Variants in LRRC7 observed in about 807,000 individuals in gnomAD.
LRRC7 encodes the protein leucine-rich repeat-containing protein 7.
In LRRC7, 23 loss-of-function variants were observed where a neutral mutation model predicts 175.7. The ratio of observed to expected loss-of-function variants is 0.13; its 90% CI spans 0.09 to 0.19. The LOEUF is 0.19. Ranked by LOEUF, LRRC7 falls within the 10% of genes least tolerant of loss-of-function variation. The probability of loss-of-function intolerance (pLI) is 1.00; values close to 1 mark genes in which losing one functional copy is unlikely to be tolerated. For missense variants in LRRC7, 1,354 were observed against 1,904.7 expected (o/e 0.71, Z 5.38); for synonymous variants, 685 against 680.9 (o/e 1.01, Z -0.09).
chr1:69,948,744 T>C (rs1649603725), intron 8 of LRRC7, among the ~76,000 whole-genome samples: 1 of 152,132 alleles, frequency 6.6e-6, no homozygotes, highest in African/African-American at 2.4e-5. Context: ...ACCCACCATC[T>C]CCTCCAGCCA....
intron 2 of LRRC7, among the ~76,000 whole-genome samples, chr1:69,747,371 G>A (rs780828202): frequency 2.6e-5 from 4 of 152,166 alleles, no homozygotes; most frequent in African/African-American, 4.8e-5. Context: ...GTGCCTGTAT[G>A]GGTGTGGTCC....
At chr1:69,789,321 A>T (rs2101052805) in intron 3 of LRRC7, among the ~76,000 whole-genome samples, 1 of 152,224 alleles carries the variant, frequency 6.6e-6, no homozygotes, top group African/African-American at 2.4e-5. Flanking sequence ...AGACAGGATA[A>T]CCATGCCTTT....
chr1:69,780,152 T>C (rs948108132), intron 3 of LRRC7, among the ~76,000 whole-genome samples: 1 of 152,194 alleles, frequency 6.6e-6, no homozygotes, highest in Non-Finnish European at 1.5e-5. Flanking sequence ...AGTAAGTCAC[T>C]TCGTTGCATA....
chr1:69,994,482 A>G (rs922155196), intron 10 of LRRC7, 79 bp from the exon 11 acceptor site: 5 of 989,900 alleles, frequency 5.1e-6, no homozygotes, highest in Non-Finnish European at 8.0e-6. Flanking sequence ...AACACAAGTG[A>G]TTCATGTGAT....
Position 70,101,417 on chromosome 1 carries a change from C to T in LRRC7, c.4546-6335C>T, listed in dbSNP as rs540097348. ...TTTCATACGTTGAAGTCATAGGTCC[C>T]TTAAGACAAGTTCTATTTTGGTATC... On this transcript the variant is annotated intron_variant, in intron 25 of 26. Coordinates refer to ENST00000651989, the MANE Select transcript of LRRC7 (RefSeq NM_001370785.2). Among the ~76,000 whole-genome samples the T allele has an allele frequency of 2.0e-5, 3 of 152,266 alleles. No homozygotes were observed. The East Asian group carries it at 5.8e-4, about 29-fold the overall frequency.
intron 1 of LRRC7, among the ~76,000 whole-genome samples, chr1:69,608,878 A>G (rs866600678): frequency 8.6e-6 from 1 of 115,908 alleles, no homozygotes; most frequent in Non-Finnish European, 1.8e-5. Flanking sequence ...ATATATATAT[A>G]TATATATATA....
rs939678747 is a variant in LRRC7 at position 70,126,600 on chromosome 1, A to G, written c.*4713A>G. Among the ~76,000 whole-genome samples the G allele has an allele frequency of 7.9e-5, 12 of 152,106 alleles. No individual in the cohort carries two copies. Among genetic ancestry groups the G allele is most frequent in the African/African-American group, 2.7e-4 (11 of 41,406 alleles). The stretch of plus-strand genomic sequence containing the variant: ...CTTGCCTTGGCTCAGAATATTTCCC[A>G]TCACCCACCAACACCATACCCAAAG... On this transcript the variant is annotated 3_prime_UTR_variant, in exon 27 of 27. Transcript: ENST00000651989.
chr1:69,810,710 G>A (rs978648587), intron 4 of LRRC7, among the ~76,000 whole-genome samples: 12 of 152,128 alleles, frequency 7.9e-5, no homozygotes, highest in African/African-American at 2.9e-4. Context: ...TGGGAAAACT[G>A]GCTAGCCATA....
intron 7 of LRRC7, among the ~76,000 whole-genome samples, chr1:69,854,616 C>T (rs375046007): frequency 6.6e-6 from 1 of 152,040 alleles, no homozygotes; most frequent in Admixed American, 6.6e-5. Flanking sequence ...TCCAGATATC[C>T]AGATATCTTT....
rs66504103 is a variant in LRRC7 at position 69,781,790 on chromosome 1, G to C, written c.304-10253G>C. On this transcript the variant is annotated intron_variant, in intron 3 of 26. Coordinates refer to ENST00000651989, the MANE Select transcript of LRRC7 (RefSeq NM_001370785.2). ...GAAAGAAAGAAAGAAAGAAAGAAAG[G>C]AAGGAAGGAAGGAAGGAAGGAAGGA... 3.1e-3 allele frequency among the ~76,000 whole-genome samples: 58 copies of C among 18,782 alleles called. 1 individual carries two copies. The highest frequency in any genetic ancestry group is 4.3e-3 in the Non-Finnish European group (45 of 10,580). The allele number at this position is 18,782 out of a possible 152,430, so 12.3% of individuals were successfully genotyped here.
intron 3 of LRRC7, among the ~76,000 whole-genome samples, chr1:69,783,220 T>C (rs1673976503): frequency 6.6e-6 from 1 of 152,170 alleles, no homozygotes; most frequent in Non-Finnish European, 1.5e-5. Flanking sequence ...CCCCTCTCTG[T>C]AAACATGGTT....
chr1:69,834,460 G>C (rs1470283194), intron 5 of LRRC7, among the ~76,000 whole-genome samples: 1 of 152,126 alleles, frequency 6.6e-6, no homozygotes, highest in African/African-American at 2.4e-5. Context: ...CAAACAACTT[G>C]AGATTTCCAT....
chr1:69,744,698 A>T (rs937735540), intron 2 of LRRC7, among the ~76,000 whole-genome samples: 2 of 151,856 alleles, frequency 1.3e-5, no homozygotes, highest in Non-Finnish European at 2.9e-5. Context: ...TTCTTGATCT[A>T]AGGCTTAGTG....
At chr1:69,571,982 G>C (rs1645756542) in intron 1 of LRRC7, among the ~76,000 whole-genome samples, 1 of 152,054 alleles carries the variant, frequency 6.6e-6, no homozygotes, top group South Asian at 2.1e-4. Context: ...GGTGTATTTT[G>C]TTGTCTCTAA....
At chr1:69,910,588 G>T (rs571365907) in intron 7 of LRRC7, among the ~76,000 whole-genome samples, 1 of 152,144 alleles carries the variant, frequency 6.6e-6, no homozygotes, top group African/African-American at 2.4e-5. Flanking sequence ...GTACCCAGCC[G>T]TGTGAGGTGT....
At position 69,749,237 on chromosome 1, in the gene LRRC7, T is replaced by A. The variant is rs75844922; in HGVS notation, c.101-10954T>A. The stretch of plus-strand genomic sequence containing the variant: ...CCAGGTGATATGATGAGGACAGATT[T>A]TGAGTGAGTTTGTATATGCCACTAC... On this transcript the variant is annotated intron_variant, in intron 2 of 26. Coordinates refer to ENST00000651989, the MANE Select transcript of LRRC7 (RefSeq NM_001370785.2). Among the ~76,000 whole-genome samples, 1,421 of 152,320 alleles carry A rather than the reference T, an allele frequency of 9.3e-3. 24 individuals are homozygous for A. The highest frequency in any genetic ancestry group is 0.033 in the African/African-American group (1,381 of 41,568).
intron 2 of LRRC7, among the ~76,000 whole-genome samples, chr1:69,727,960 A>G (rs1667157406): frequency 6.6e-6 from 1 of 152,154 alleles, no homozygotes; most frequent in Admixed American, 6.6e-5. Context: ...ACATGAACTT[A>G]TATCCTCGTG....
In LRRC7 at chr1:69,718,028, AAAAG is replaced by A. The variant is rs201070986; in HGVS notation, c.100+39553_100+39556del. ...AAAAGAGAAGCAGAGACTAGAAAGA[AAAAG>A]AAGAAAGGAGAGGGAGAAAGAAATG... On this transcript the variant is annotated intron_variant, in intron 2 of 26. Coordinates refer to ENST00000651989, the MANE Select transcript of LRRC7 (RefSeq NM_001370785.2). Among the ~76,000 whole-genome samples the A allele has an allele frequency of 1.5e-3, 217 of 149,362 alleles. 11 individuals carry two copies. The East Asian group carries it at 0.037, about 25-fold the overall frequency.
chr1:69,588,985 C>CTGTGTGTGTGTGTGTG (rs138325158), intron 1 of LRRC7, among the ~76,000 whole-genome samples: 2,217 of 131,116 alleles, frequency 0.017, 19 homozygotes, highest in Middle Eastern at 0.059. Context: ...CTGCTGGGGT[C>CTGTGTGTGTGTGTGTG]TGTGTGTGTG....
Sources: gnomAD v4.1 joint callset for allele counts (sites outside exome capture counted in the v4.1 genomes callset) on GRCh38, gnomAD v4.1.1 for gene constraint, MANE v1.5 for transcripts, NCBI Gene and HGNC (gene_info 2026-07-23, HGNC 2026-07-21) for gene names.